Variants in C5 observed in about 807,000 individuals in gnomAD.
C5 encodes C3 and PZP-like alpha-2-macroglobulin domain-containing protein 4.
A neutral mutation model predicts 218.8 loss-of-function variants in C5; 140 were observed. The ratio of observed to expected loss-of-function variants is 0.64; its 90% CI spans 0.56 to 0.74. C5 has a LOEUF of 0.74. C5 is among the 30% of genes least tolerant of loss of function. C5 has a pLI of 0.00. For synonymous variants in C5, 614 were observed against 682.3 expected, an observed-to-expected ratio of 0.90 and a Z score of 1.56; for missense variants, 1,700 against 1,969.6, an observed-to-expected ratio of 0.86 and a Z score of 2.59.
chr9:121,050,375 A>G (rs1395756044), upstream of C5: 22 of 805,070 alleles, frequency 2.7e-5, no homozygotes, highest in Admixed American at 2.0e-4. Flanking sequence ...TCTAAGTGGG[A>G]AAACTAGAAT....
intron 37 of C5, among the ~76,000 whole-genome samples, chr9:120,960,879 T>TATAATC (rs2046822190): frequency 6.6e-6 from 1 of 152,210 alleles, no homozygotes; most frequent in African/African-American, 2.4e-5. Context: ...CCATTTTGAG[T>TATAATC]ATAATCAGAA....
Position 120,989,518 on chromosome 9 carries a change from TA to T in C5, c.3154+49del, listed in dbSNP as rs1342211616. ...AACTTAAATATTAGTTTAATAAAAATATTAGTTTAGAATCACCCAATTTTTA... is the reference window on the plus strand; with the variant it reads ...AACTTAAATATTAGTTTAATAAAAATTTAGTTTAGAATCACCCAATTTTTA... On this transcript the variant is annotated intron_variant, in intron 24 of 40. Transcript: ENST00000223642. 59 of 1,175,240 alleles carry T rather than the reference TA, an allele frequency of 5.0e-5. No homozygotes were observed. The East Asian group carries it at 1.4e-3, about 28-fold the overall frequency. The allele number at this position is 1,175,240 out of a possible 1,614,324, so 72.8% of individuals were successfully genotyped here. A position where few individuals can be genotyped will look rare whatever the true frequency, so the allele number is the denominator to read the frequency against.
intron 25 of C5, among the ~76,000 whole-genome samples, chr9:120,987,445 C>T (rs928490456): frequency 6.0e-5 from 9 of 149,574 alleles, no homozygotes; most frequent in African/African-American, 2.0e-4. Flanking sequence ...GAGATCGAGA[C>T]CATCCTGGCC....
upstream of C5, among the ~76,000 whole-genome samples, chr9:121,053,375 C>G (rs142698002): frequency 1.3e-5 from 2 of 152,264 alleles, no homozygotes; most frequent in Admixed American, 1.3e-4. Flanking sequence ...AGAACTACTT[C>G]AGTAACTCTC....
the C5 span, among the ~76,000 whole-genome samples, chr9:121,074,483 C>T: frequency 5.8e-4 from 88 of 152,342 alleles, 1 homozygote; most frequent in South Asian, 8.3e-4. Flanking sequence ...CTGGGCAGTT[C>T]GGTCCCTGGA....
chr9:121,056,673 A>G, the C5 span, among the ~76,000 whole-genome samples: 1 of 152,256 alleles, frequency 6.6e-6, no homozygotes, highest in South Asian at 2.1e-4. Context: ...TACACAGAGG[A>G]GAAAAAGGAA....
chr9:121,010,684 C>T (rs2047254260), intron 17 of C5, among the ~76,000 whole-genome samples: 1 of 151,806 alleles, frequency 6.6e-6, no homozygotes, highest in Non-Finnish European at 1.5e-5. Context: ...CAAAGCAATC[C>T]CGAGCAAAAA....
At chr9:121,052,552 A>G (rs2047677894), upstream of C5, among the ~76,000 whole-genome samples, 1 of 152,154 alleles carries the variant, frequency 6.6e-6, no homozygotes, top group African/African-American at 2.4e-5. Flanking sequence ...CATTTCTAAA[A>G]GAGAAGAAAC....
chr9:120,991,127 A>T, intron 23 of C5, 64 bp downstream of exon 23: 1 of 947,904 alleles, frequency 1.1e-6, no homozygotes, highest in Admixed American at 1.7e-5. Context: ...AATCATGAGG[A>T]TATTTGATTT....
the C5 span, among the ~76,000 whole-genome samples, chr9:121,064,702 G>A: frequency 6.6e-6 from 1 of 152,160 alleles, no homozygotes; most frequent in South Asian, 2.1e-4. Flanking sequence ...AAAGCTGAAT[G>A]TCAATTAAAT....
rs2047128847 is a variant in C5 at position 120,997,724 on chromosome 9, T to C, written c.2613A>G (p.Pro871=). The C allele has an allele frequency of 3.7e-6, 6 of 1,614,186 alleles. No homozygotes were observed. In the Middle Eastern group the frequency reaches 5.0e-4, roughly 134 times the overall value. ...ACTTTGTGCCCTGATGATCAATGAC[T>C]GGGCTTTCCGAAGTGCAGATTCCCT... ...AVEGICTSES[P]VIDHQGTKSS... The change falls in exon 21 of 41, where the codon CCA becomes CCG. Residue 871 remains proline, a synonymous_variant. Transcript: ENST00000223642.
intron 13 of C5, 36 bp from the exon 14 acceptor site, chr9:121,017,547 T>C: frequency 6.2e-7 from 1 of 1,610,454 alleles, no homozygotes; most frequent in Non-Finnish European, 8.5e-7. Flanking sequence ...GAAAAGATCA[T>C]TTGTATGAGA....
the C5 span, among the ~76,000 whole-genome samples, chr9:121,055,868 G>C: frequency 5.3e-5 from 8 of 152,212 alleles, no homozygotes; most frequent in African/African-American, 1.9e-4. Context: ...TCCTCCCCCA[G>C]CTCCAGTTAG....
chr9:121,022,528 G>A (rs1458596742), intron 10 of C5, among the ~76,000 whole-genome samples: 1 of 148,224 alleles, frequency 6.7e-6, no homozygotes. Context: ...CCTTGCTTTG[G>A]GCTTGGTAAA....
the C5 span, among the ~76,000 whole-genome samples, chr9:121,069,828 A>G: frequency 6.6e-6 from 1 of 152,166 alleles, no homozygotes; most frequent in Non-Finnish European, 1.5e-5. Flanking sequence ...AAAGGGACTC[A>G]TACACTGTTG....
chr9:121,005,395 T>C (rs1311572377), intron 20 of C5, among the ~76,000 whole-genome samples: 1 of 152,168 alleles, frequency 6.6e-6, no homozygotes, highest in Non-Finnish European at 1.5e-5. Flanking sequence ...ATTGAGTCAA[T>C]GGACTGAAGG....
the C5 span, among the ~76,000 whole-genome samples, chr9:121,058,122 G>T: frequency 0.079 from 11,960 of 152,246 alleles, 534 homozygotes; most frequent in Non-Finnish European, 0.11. Context: ...CCTTTAAGGA[G>T]CTTATCCAAA....
At position 121,006,986 on chromosome 9, in the gene C5, T is replaced by TG; in HGVS notation, c.2349-10_2349-9insC. On this transcript the variant is annotated splice_polypyrimidine_tract_variant and intron_variant, in intron 18 of 40. Coordinates refer to ENST00000223642, the MANE Select transcript of C5 (RefSeq NM_001735.3). ...CAAACTGCAACTGTTTTCTGGAAGT[T>TG]AAAATGTTGATATTCAAATACAGTG... 6.3e-7 allele frequency: 1 copy of TG among 1,596,190 alleles called. No individual in the cohort carries two copies. Among genetic ancestry groups the TG allele is most frequent in the Non-Finnish European group, 8.6e-7 (1 of 1,163,690 alleles).
In C5 at chr9:121,034,829, A is replaced by T. The variant is rs2047509536; in HGVS notation, c.558T>A (p.Pro186=). The part of the protein sequence containing the change: ...EIDHIGIISF[P]DFKIPSNPRY... ...TAGGATTAGACGGAATCTTGAAGTC[A>T]GGAAAAGAGATAATTCCAATATGAT... The change falls in exon 5 of 41, where the codon CCT becomes CCA. Residue 186 remains proline (P), a synonymous_variant. Transcript: ENST00000223642. 1.3e-6 allele frequency: 2 copies of T among 1,576,940 alleles called. No individual in the cohort carries two copies. The highest frequency in any genetic ancestry group is 4.5e-5 in the East Asian group (2 of 44,650).
Sources: allele counts gnomAD v4.1 joint callset (sites outside exome capture counted in the v4.1 genomes callset), GRCh38; gene constraint gnomAD v4.1.1; transcripts MANE v1.5; gene names NCBI Gene and HGNC (gene_info 2026-07-23, HGNC 2026-07-21).